Variants in MARCHF4 observed in about 807,000 individuals in gnomAD.
The protein encoded by MARCHF4 is membrane associated ring-CH-type finger 4.
MARCHF4 carries 14 observed loss-of-function variants against 43.9 expected under a neutral mutation model. That is an observed-to-expected ratio of 0.32 (90% confidence interval 0.21 to 0.50). MARCHF4 has a LOEUF of 0.50. MARCHF4 is among the 20% of genes least tolerant of loss of function. The pLI is 0.98. For synonymous variants in MARCHF4, 226 were observed against 213.3 expected (o/e 1.06, Z -0.52); for missense variants, 468 against 536.7 (o/e 0.87, Z 1.27).
At chr2:216,354,976 TTTCTTTC>T (rs1246393830) in intron 1 of MARCHF4, among the ~76,000 whole-genome samples, 4 of 136,240 alleles carry the variant, frequency 2.9e-5, no homozygotes, top group Middle Eastern at 3.6e-3. Flanking sequence ...TCTTTCTTTC[TTTCTTTC>T]TTTTTTGAGA....
intron 3 of MARCHF4, among the ~76,000 whole-genome samples, chr2:216,259,945 G>C (rs890063364): frequency 6.6e-6 from 1 of 152,086 alleles, no homozygotes; most frequent in Non-Finnish European, 1.5e-5. Context: ...TTCCTGCCTC[G>C]ACAAAATCCA....
At chr2:216,306,964 C>CCT (rs71988758) in intron 1 of MARCHF4, among the ~76,000 whole-genome samples, 1 of 150,778 alleles carries the variant, frequency 6.6e-6, no homozygotes, top group African/African-American at 2.4e-5. Context: ...TACCTCCTGT[C>CCT]CTCTCTCTCT....
At chr2:216,297,239 G>T (rs896847502) in intron 1 of MARCHF4, among the ~76,000 whole-genome samples, 2 of 152,140 alleles carry the variant, frequency 1.3e-5, no homozygotes, top group African/African-American at 2.4e-5. Flanking sequence ...GCTGGGAAGG[G>T]CCTGGTCATC....
rs561179839 is a variant in MARCHF4, at chr2:216,355,615, C to T, written c.516+14130G>A. Among the ~76,000 whole-genome samples the T allele has an allele frequency of 3.4e-4, 52 of 152,306 alleles. No homozygotes were observed. In the South Asian group the frequency reaches 0.011, roughly 32 times the overall value. On this transcript the variant is annotated intron_variant, in intron 1 of 3. Coordinates refer to ENST00000273067, the MANE Select transcript of MARCHF4 (RefSeq NM_020814.3). ...TGGGGGTGGAAAGTCCTTGAAATCACATCACGTACTCTTTCTGATACTCAA... is the reference window on the plus strand; with the variant it reads ...TGGGGGTGGAAAGTCCTTGAAATCATATCACGTACTCTTTCTGATACTCAA...
In MARCHF4 at chr2:216,293,570, T is replaced by TA. The variant is rs11317578; in HGVS notation, c.517-9842dup. 4.2e-3 allele frequency among the ~76,000 whole-genome samples: 493 copies of TA among 118,108 alleles called. 10 individuals are homozygous for TA. The highest frequency in any genetic ancestry group is 0.018 in the East Asian group (73 of 4,120). The allele number at this position is 118,108 out of a possible 152,430, so 77.5% of individuals were successfully genotyped here. On this transcript the variant is annotated intron_variant, in intron 1 of 3. Transcript: ENST00000273067. ...AGCCTTTCTGCTCATCATTTCAATG[T>TA]AAAAAAAAAAAAAAAAACAATGTAA...
At chr2:216,265,758 C>T (rs995906951) in intron 3 of MARCHF4, 6 of 152,356 alleles carry the variant, frequency 3.9e-5, no homozygotes, top group African/African-American at 1.4e-4. Flanking sequence ...TCCCAAACCG[C>T]TGGGATTACA....
intron 3 of MARCHF4, among the ~76,000 whole-genome samples, chr2:216,261,996 T>C (rs887189550): frequency 6.6e-6 from 1 of 152,134 alleles, no homozygotes; most frequent in South Asian, 2.1e-4. Flanking sequence ...AAATGGGAAA[T>C]GACCACCAGT....
intron 1 of MARCHF4, among the ~76,000 whole-genome samples, chr2:216,332,642 A>T (rs962164946): frequency 1.1e-4 from 16 of 152,210 alleles, no homozygotes; most frequent in African/African-American, 3.9e-4. Context: ...AAGATGTGCA[A>T]GACCTTTATA....
At chr2:216,265,565 G>A (rs1382406781) in intron 3 of MARCHF4, 2 of 151,984 alleles carry the variant, frequency 1.3e-5, no homozygotes, top group African/African-American at 4.8e-5. Flanking sequence ...GTGCGATCAT[G>A]GCTCACTACA....
intron 3 of MARCHF4, among the ~76,000 whole-genome samples, chr2:216,269,663 G>A (rs144020298): frequency 8.0e-4 from 115 of 144,388 alleles, no homozygotes; most frequent in African/African-American, 2.9e-3. Flanking sequence ...TGATTACAAG[G>A]ACACACTACT....
intron 1 of MARCHF4, among the ~76,000 whole-genome samples, chr2:216,339,289 T>A (rs1228945626): frequency 6.6e-6 from 1 of 152,166 alleles, no homozygotes; most frequent in Non-Finnish European, 1.5e-5. Context: ...TCAATGGCCA[T>A]GCCCTTCTCT....
At chr2:216,354,473 G>A (rs1692451388) in intron 1 of MARCHF4, among the ~76,000 whole-genome samples, 1 of 152,104 alleles carries the variant, frequency 6.6e-6, no homozygotes, top group Non-Finnish European at 1.5e-5. Flanking sequence ...CACAACATAT[G>A]CAACCCTGGT....
At chr2:216,261,886 A>G (rs1690748044) in intron 3 of MARCHF4, among the ~76,000 whole-genome samples, 1 of 152,218 alleles carries the variant, frequency 6.6e-6, no homozygotes, top group African/African-American at 2.4e-5. Flanking sequence ...CCAATGGGGT[A>G]GAAGCAAGAC....
intron 1 of MARCHF4, among the ~76,000 whole-genome samples, chr2:216,360,379 A>T (rs1692557688): frequency 6.6e-6 from 1 of 152,202 alleles, no homozygotes; most frequent in Non-Finnish European, 1.5e-5. Flanking sequence ...ACCATTTGCC[A>T]TAAAAAGAAT....
chr2:216,271,283 C>T (rs77876700), intron 3 of MARCHF4, among the ~76,000 whole-genome samples: 2,677 of 152,332 alleles, frequency 0.018, 55 homozygotes, highest in South Asian at 0.076. Context: ...CATGTCTCTG[C>T]ACCTCCATAC....
chr2:216,357,400 C>A (rs897166767), intron 1 of MARCHF4, among the ~76,000 whole-genome samples: 5 of 152,200 alleles, frequency 3.3e-5, no homozygotes, highest in African/African-American at 1.2e-4. Flanking sequence ...TGGCTCCCTG[C>A]AGCCTCTGCC....
intron 1 of MARCHF4, among the ~76,000 whole-genome samples, chr2:216,319,223 G>A (rs1691839872): frequency 6.6e-6 from 1 of 152,082 alleles, no homozygotes; most frequent in Admixed American, 6.5e-5. Context: ...CAGGAGAATC[G>A]CTTAAACCCA....
intron 1 of MARCHF4, among the ~76,000 whole-genome samples, chr2:216,355,664 G>A (rs1477572771): frequency 6.6e-6 from 1 of 151,994 alleles, no homozygotes; most frequent in African/African-American, 2.4e-5. Context: ...TTTTTTGCAG[G>A]CAAATGCGTA....
intron 1 of MARCHF4, among the ~76,000 whole-genome samples, chr2:216,287,645 G>A (rs1219969351): frequency 8.3e-6 from 1 of 120,076 alleles, no homozygotes; most frequent in African/African-American, 3.1e-5. Flanking sequence ...TTGTGGGGTG[G>A]GGGGAGGGGG....
Sources: gnomAD v4.1 joint callset for allele counts (sites outside exome capture counted in the v4.1 genomes callset) on GRCh38, gnomAD v4.1.1 for gene constraint, MANE v1.5 for transcripts, NCBI Gene and HGNC (gene_info 2026-07-23, HGNC 2026-07-21) for gene names.